Variants in ERAP1 observed in about 807,000 individuals in gnomAD.
The protein encoded by ERAP1 is endoplasmic reticulum aminopeptidase 1.
Under a neutral mutation model 103.7 loss-of-function variants are expected in ERAP1, and 86 were observed. That is an observed-to-expected ratio of 0.83 (90% CI 0.70 to 0.99). The LOEUF (loss-of-function observed/expected upper bound fraction) is 0.99. Ranked by LOEUF, ERAP1 falls within the 50% of genes least tolerant of loss-of-function variation. The probability of loss-of-function intolerance (pLI) is 0.00; values close to 1 mark genes in which losing one functional copy is unlikely to be tolerated. For missense variants in ERAP1, 1,009 were observed against 1,128.4 expected (o/e 0.89, Z 1.52); for synonymous variants, 398 against 402.4 (o/e 0.99, Z 0.13).
At chr5:96,922,458 T>A in the ERAP1 span, among the ~76,000 whole-genome samples, 2 of 152,168 alleles carry the variant, frequency 1.3e-5, no homozygotes, top group Non-Finnish European at 2.9e-5. Flanking sequence ...TTGGGGCACA[T>A]AAGACTGCTG....
chr5:96,767,105 A>C (rs1483882123), intron 19 of ERAP1, among the ~76,000 whole-genome samples: 2 of 152,256 alleles, frequency 1.3e-5, no homozygotes, highest in African/African-American at 2.4e-5. Flanking sequence ...TATAGTAAAT[A>C]AGATGTAAAA....
chr5:96,915,653 CTA>C, the ERAP1 span: 1 of 1,327,200 alleles, frequency 7.5e-7, no homozygotes, highest in Non-Finnish European at 1.0e-6. Context: ...GTCAGTATTT[CTA>C]TGACTTTCTA....
the ERAP1 span, among the ~76,000 whole-genome samples, chr5:96,861,681 T>C: frequency 6.6e-6 from 1 of 152,128 alleles, no homozygotes; most frequent in African/African-American, 2.4e-5. Flanking sequence ...CTACAACACT[T>C]TAAGACAGGT....
chr5:96,881,426 G>C, the ERAP1 span: 1 of 456,208 alleles, frequency 2.2e-6, no homozygotes, highest in Non-Finnish European at 4.4e-6. Flanking sequence ...GAAGAATCAA[G>C]GATGCTTCAT....
the ERAP1 span, among the ~76,000 whole-genome samples, chr5:96,815,835 C>A: frequency 6.6e-6 from 1 of 151,912 alleles, no homozygotes; most frequent in African/African-American, 2.4e-5. Context: ...AAAAAAGATT[C>A]CTGAGCCACA....
chr5:96,905,788 G>C, the ERAP1 span, among the ~76,000 whole-genome samples: 1 of 152,064 alleles, frequency 6.6e-6, no homozygotes, highest in Non-Finnish European at 1.5e-5. Context: ...GGTGGCTGAG[G>C]CACATGAATC....
the ERAP1 span, chr5:96,912,822 T>C: frequency 1.9e-6 from 3 of 1,569,200 alleles, no homozygotes; most frequent in South Asian, 1.2e-5. Flanking sequence ...TTTAACTAAA[T>C]TGTTATAAGT....
rs1377705354 is a variant in ERAP1 at position 96,775,723 on chromosome 5, G to A, written c.*673C>T. On this transcript the variant is annotated 3_prime_UTR_variant, in exon 19 of 19. Transcript: ENST00000443439. ...GGTGGAGAAGGCTGTGTGGAAAAGA[G>A]GGTCCCCTCTCGGAGCTAAGACCCT... The A allele has an allele frequency of 5.0e-6, 1 of 201,564 alleles. No individual in the cohort carries two copies. The highest frequency in any genetic ancestry group is 8.8e-6 in the Non-Finnish European group (1 of 113,108). The allele number at this position is 201,564 out of a possible 1,614,324, so 12.5% of individuals were successfully genotyped here.
chr5:96,933,211 C>CTTTT, the ERAP1 span, among the ~76,000 whole-genome samples: 355 of 72,794 alleles, frequency 4.9e-3, 11 homozygotes, highest in Middle Eastern at 9.3e-3. Context: ...AAAACCACGT[C>CTTTT]TTTTTTTTTT....
chr5:96,832,266 T>C, the ERAP1 span, among the ~76,000 whole-genome samples: 1 of 152,240 alleles, frequency 6.6e-6, no homozygotes, highest in South Asian at 2.1e-4. Flanking sequence ...ATAGAACTTC[T>C]GTCCCCTGAG....
chr5:96,874,691 C>T, the ERAP1 span, among the ~76,000 whole-genome samples: 4 of 152,268 alleles, frequency 2.6e-5, no homozygotes, highest in Admixed American at 2.0e-4. Flanking sequence ...TCTACTTTAT[C>T]GACTTGTTCT....
Position 96,762,342 on chromosome 5 carries a change from C to G in ERAP1, c.*858G>C, listed in dbSNP as rs747503577. ...TTTCCCAAACCCCAGCTTCAACGAC[C>G]CAAGCTGGAGCCCCACCCCGTGATA... On this transcript the variant is annotated 3_prime_UTR_variant, in exon 20 of 20. Transcript: ENST00000296754. 2.0e-5 allele frequency: 32 copies of G among 1,604,960 alleles called. 1 individual carries two copies. The East Asian group carries it at 7.2e-4, about 36-fold the overall frequency.
At chr5:96,880,399 T>A in the ERAP1 span, 2 of 783,022 alleles carry the variant, frequency 2.6e-6, no homozygotes, top group South Asian at 1.9e-5. Context: ...GGAAAAGATC[T>A]ACCATTCCTT....
chr5:96,874,939 G>A, the ERAP1 span, among the ~76,000 whole-genome samples: 1 of 152,198 alleles, frequency 6.6e-6, no homozygotes, highest in African/African-American at 2.4e-5. Flanking sequence ...TTAATAGACT[G>A]TGATTCAAAC....
chr5:96,793,424 A>G lies in ERAP1; in HGVS notation c.1164T>C (p.Ser388=), dbSNP rs367830305. Residue 388 remains serine, a synonymous_variant, in exon 7 of 19, where the codon AGT becomes AGC. Transcript: ENST00000443439. The stretch of plus-strand genomic sequence containing the variant: ...CAACTTTCAGTTCAGGATGGGTCAC[A>G]CTGACAGACACAAACTCCATAAATT... ...FAKFMEFVSV[S]VTHPELKVGD... 1.5e-5 allele frequency: 24 copies of G among 1,613,546 alleles called. No homozygotes were observed. The highest frequency in any genetic ancestry group is 1.9e-5 in the Non-Finnish European group (23 of 1,179,648).
the ERAP1 span, among the ~76,000 whole-genome samples, chr5:96,894,808 T>C: frequency 1.3e-5 from 2 of 152,120 alleles, no homozygotes; most frequent in Admixed American, 1.3e-4. Flanking sequence ...TACCTGCTAC[T>C]TAATATAAAA....
At chr5:96,864,550 T>TA in the ERAP1 span, among the ~76,000 whole-genome samples, 2 of 152,322 alleles carry the variant, frequency 1.3e-5, no homozygotes, top group Admixed American at 1.3e-4. Flanking sequence ...CAACACATGA[T>TA]AAACAGAAGT....
the ERAP1 span, among the ~76,000 whole-genome samples, chr5:96,856,044 A>G: frequency 0.75 from 113,645 of 151,454 alleles, 44,157 homozygotes; most frequent in Non-Finnish European, 0.86. Flanking sequence ...AGCAGGCCGG[A>G]CACAGTGGCT....
the ERAP1 span, chr5:96,934,487 T>A: frequency 0.012 from 1,779 of 152,362 alleles, 22 homozygotes; most frequent in Non-Finnish European, 0.019. Context: ...AAGGCCTTTG[T>A]TACCAAAATA....
Sources: allele counts gnomAD v4.1 joint callset (sites outside exome capture counted in the v4.1 genomes callset), GRCh38; gene constraint gnomAD v4.1.1; transcripts MANE v1.5; gene names NCBI Gene and HGNC (gene_info 2026-07-23, HGNC 2026-07-21).